The following CCR3 variants were observed in gnomAD, a reference collection of about 807,000 sequenced individuals.
CCR3 encodes the protein C-C chemokine receptor type 3.
For synonymous variants in CCR3, 203 were observed against 179.2 expected (o/e 1.13, Z -1.06); for missense variants, 419 against 437.5 (o/e 0.96, Z 0.38).
At chr3:46,237,756 G>T (rs1700039023), upstream of CCR3, among the ~76,000 whole-genome samples, 1 of 152,092 alleles carries the variant, frequency 6.6e-6, no homozygotes, top group Non-Finnish European at 1.5e-5. Flanking sequence ...AATTATTTCT[G>T]GGCTCTCTAT....
chr3:46,230,736 T>A (rs998325773), intron 2 of CCR3, among the ~76,000 whole-genome samples: 3 of 152,144 alleles, frequency 2.0e-5, no homozygotes, highest in African/African-American at 7.2e-5. Context: ...GTCCTCCGGA[T>A]CACTGTCCTA....
At chr3:46,252,750 G>T (rs1700340286) in intron 1 of CCR3, among the ~76,000 whole-genome samples, 1 of 152,080 alleles carries the variant, frequency 6.6e-6, no homozygotes, top group Non-Finnish European at 1.5e-5. Context: ...CATTTGTTCT[G>T]GATGATACAG....
rs768953812 is a variant in CCR3 at position 46,266,129 on chromosome 3, T to C, written c.971T>C (p.Leu324Pro). ...TTCCACAGGCACTTGCTCATGCACC[T>C]GGGCAGATACATCCCATTCCTTCCT... is the stretch of plus-strand genomic sequence containing the variant. The part of the protein sequence containing the change: ...HFFHRHLLMH[L>P]GRYIPFLPSE... The change falls in exon 2 of 2, where the codon CTG (leucine) becomes CCG (proline). Residue 324 changes from leucine (L) to proline (P), a missense_variant. Coordinates refer to ENST00000395940, the MANE Select transcript of CCR3 (RefSeq NM_178329.3). 30 of 1,613,960 alleles carry C rather than the reference T, an allele frequency of 1.9e-5. No individual in the cohort carries two copies. In the East Asian group the frequency reaches 5.8e-4, roughly 31 times the overall value.
Position 46,222,962 on chromosome 3 carries a change from A to G in CCR3, c.-68+12055A>G, listed in dbSNP as rs1168499292. Among the ~76,000 whole-genome samples the G allele has an allele frequency of 9.9e-5, 15 of 152,180 alleles. No individual in the cohort carries two copies. The East Asian group carries it at 2.7e-3, about 27-fold the overall frequency. On this transcript the variant is annotated intron_variant, in intron 2 of 3. Transcript: ENST00000357422. ...AATTGTCAAGAAACCCTTCATGCTA[A>G]AAAGGGGAAGGAGAAAGTATATTAA...
upstream of CCR3, among the ~76,000 whole-genome samples, chr3:46,240,661 T>A (rs1575495014): frequency 6.6e-6 from 1 of 152,294 alleles, no homozygotes; most frequent in East Asian, 1.9e-4. Context: ...ACTGAGAGGG[T>A]CTGTCATGAC....
At chr3:46,249,473 T>G (rs1230476770) in intron 1 of CCR3, among the ~76,000 whole-genome samples, 1 of 152,002 alleles carries the variant, frequency 6.6e-6, no homozygotes, top group Non-Finnish European at 1.5e-5. Flanking sequence ...CTGTATTGAT[T>G]AAGAAGGGGA....
intron 1 of CCR3, among the ~76,000 whole-genome samples, chr3:46,261,617 G>T (rs557668002): frequency 6.6e-6 from 1 of 152,204 alleles, no homozygotes; most frequent in Non-Finnish European, 1.5e-5. Context: ...GGCATGGAGC[G>T]CTCTCTGCTA....
At chr3:46,223,041 T>C (rs1047484171) in intron 2 of CCR3, among the ~76,000 whole-genome samples, 2 of 152,192 alleles carry the variant, frequency 1.3e-5, no homozygotes, top group African/African-American at 4.8e-5. Context: ...ACACTTACAG[T>C]CTTGCATGCC....
At chr3:46,232,350 A>T (rs770167709) in intron 2 of CCR3, among the ~76,000 whole-genome samples, 53 of 152,264 alleles carry the variant, frequency 3.5e-4, no homozygotes, top group Non-Finnish European at 3.4e-4. Context: ...AGCACCTGGG[A>T]GGGAAAGTGG....
upstream of CCR3, among the ~76,000 whole-genome samples, chr3:46,238,225 A>G (rs1240055149): frequency 6.7e-6 from 1 of 149,090 alleles, no homozygotes; most frequent in Admixed American, 6.8e-5. Flanking sequence ...AGTGTTCTGT[A>G]TTCTTGTCAG....
chr3:46,239,582 T>C (rs1352231495), upstream of CCR3, among the ~76,000 whole-genome samples: 2 of 152,160 alleles, frequency 1.3e-5, no homozygotes, highest in African/African-American at 4.8e-5. Flanking sequence ...TCACCACTGG[T>C]GAGAACACAG....
At chr3:46,251,232 G>A (rs528474128) in intron 1 of CCR3, among the ~76,000 whole-genome samples, 59 of 152,216 alleles carry the variant, frequency 3.9e-4, no homozygotes, top group East Asian at 5.8e-4. Flanking sequence ...TCAGAGAGGC[G>A]TCCCTGCAAT....
At chr3:46,213,203 C>T (rs1395409575) in intron 2 of CCR3, among the ~76,000 whole-genome samples, 2 of 152,174 alleles carry the variant, frequency 1.3e-5, no homozygotes, top group African/African-American at 4.8e-5. Context: ...TCTCGTGATT[C>T]TGTGAGTTAG....
intron 1 of CCR3, among the ~76,000 whole-genome samples, chr3:46,259,691 C>A (rs976187110): frequency 6.6e-6 from 1 of 152,186 alleles, no homozygotes; most frequent in East Asian, 1.9e-4. Flanking sequence ...TCCAGAGGCT[C>A]TCTGCAAAAT....
intron 2 of CCR3, among the ~76,000 whole-genome samples, chr3:46,217,087 C>T (rs1056575867): frequency 6.6e-6 from 1 of 152,060 alleles, no homozygotes; most frequent in African/African-American, 2.4e-5. Context: ...ACCAAACTCA[C>T]ATAAACTTAA....
chr3:46,243,016 T>TATATATATATATATATATATAC (rs1700122982), intron 1 of CCR3, among the ~76,000 whole-genome samples: 2 of 143,132 alleles, frequency 1.4e-5, no homozygotes, highest in Admixed American at 7.0e-5. Flanking sequence ...CACACACACA[T>TATATATATATATATATATATAC]ACATTTTTAT....
Position 46,264,416 on chromosome 3 carries a change from A to G in CCR3, c.-11-732A>G, listed in dbSNP as rs574114165. ...TGTGGATTGGATTATGCCATTTGGA[A>G]TAAGAATGCTGTTAAGAGCACACAA... is the stretch of plus-strand genomic sequence containing the variant. On this transcript the variant is annotated intron_variant, in intron 1 of 1. Transcript: ENST00000395940. 574 of 1,533,884 alleles carry G rather than the reference A, an allele frequency of 3.7e-4. 1 individual carries two copies. The highest frequency in any genetic ancestry group is 4.8e-4 in the Non-Finnish European group (546 of 1,145,566).
chr3:46,214,732 T>A (rs1699754159), intron 2 of CCR3, among the ~76,000 whole-genome samples: 1 of 152,112 alleles, frequency 6.6e-6, no homozygotes, highest in Non-Finnish European at 1.5e-5. Context: ...CTTTCCTCCC[T>A]GGGCAAGCAG....
chr3:46,215,026 T>A (rs1347887854), intron 2 of CCR3, among the ~76,000 whole-genome samples: 1 of 152,056 alleles, frequency 6.6e-6, no homozygotes, highest in Non-Finnish European at 1.5e-5. Flanking sequence ...AGGTCTGTAA[T>A]CTAAGTGCTC....
Sources: allele counts gnomAD v4.1 joint callset (sites outside exome capture counted in the v4.1 genomes callset), GRCh38; gene constraint gnomAD v4.1.1; transcripts MANE v1.5; gene names NCBI Gene and HGNC (gene_info 2026-07-23, HGNC 2026-07-21).